The following PLEKHA7 variants were observed in gnomAD, a reference collection of about 807,000 sequenced individuals.
PLEKHA7 encodes pleckstrin homology domain-containing family A member 7.
A neutral mutation model predicts 170.0 loss-of-function variants in PLEKHA7; 104 were observed. The observed-to-expected ratio is 0.61, with a 90% CI of 0.52 to 0.72. The LOEUF is 0.72. PLEKHA7 is among the 30% of genes least tolerant of loss of function. The pLI is 0.00. For synonymous variants in PLEKHA7, 648 were observed against 660.8 expected (o/e 0.98, Z 0.30); for missense variants, 1,615 against 1,671.7 (o/e 0.97, Z 0.59).
At chr11:16,806,015 T>C (rs1564934791) in intron 13 of PLEKHA7, among the ~76,000 whole-genome samples, 1 of 152,232 alleles carries the variant, frequency 6.6e-6, no homozygotes, top group African/African-American at 2.4e-5. Context: ...TTTGCTCATT[T>C]GTCTCTCCTC....
intron 3 of PLEKHA7, among the ~76,000 whole-genome samples, chr11:16,948,592 C>T (rs1295215497): frequency 6.6e-6 from 1 of 151,978 alleles, no homozygotes; most frequent in Non-Finnish European, 1.5e-5. Flanking sequence ...TACATGCACA[C>T]ATATATACTC....
intron 3 of PLEKHA7, among the ~76,000 whole-genome samples, chr11:16,903,430 G>A (rs939576576): frequency 9.2e-5 from 14 of 152,210 alleles, no homozygotes; most frequent in Admixed American, 7.8e-4. Context: ...AGGGAAGGCT[G>A]AGATCAGTTC....
Position 16,817,351 on chromosome 11 carries a change from G to A in PLEKHA7, c.1344-29C>T. On this transcript the variant is annotated intron_variant, in intron 10 of 26. Transcript: ENST00000531066. The surrounding 1 kb of genome is among the most constrained non-coding windows in gnomAD (Gnocchi z 4.4). ...AGGAGAAAGGGTAAGAACGGGTCAGGCAACCAAGCGAGGGTTCTGCAGGCT... is the reference window on the plus strand; with the variant it reads ...AGGAGAAAGGGTAAGAACGGGTCAGACAACCAAGCGAGGGTTCTGCAGGCT... The A allele has an allele frequency of 6.4e-7, 1 of 1,569,438 alleles. No individual in the cohort carries two copies. The highest frequency in any genetic ancestry group is 8.6e-7 in the Non-Finnish European group (1 of 1,161,260).
intron 9 of PLEKHA7, among the ~76,000 whole-genome samples, chr11:16,838,511 T>C (rs1205171638): frequency 7.6e-6 from 1 of 131,116 alleles, no homozygotes; most frequent in Non-Finnish European, 1.6e-5. Flanking sequence ...AGACTCTGTG[T>C]CTTAAAAAAA....
At chr11:16,997,627 A>T (rs928029946) in intron 3 of PLEKHA7, among the ~76,000 whole-genome samples, 1 of 152,214 alleles carries the variant, frequency 6.6e-6, no homozygotes, top group Non-Finnish European at 1.5e-5. Context: ...TCTGAGCTCC[A>T]GGTCTCTGAG....
At chr11:17,002,921 A>G (rs187207823) in intron 3 of PLEKHA7, among the ~76,000 whole-genome samples, 22 of 150,052 alleles carry the variant, frequency 1.5e-4, no homozygotes, top group African/African-American at 5.1e-4. Context: ...TTAACTACTT[A>G]AGAGCAAATA....
chr11:16,853,370 CT>C (rs1259254476), intron 6 of PLEKHA7, among the ~76,000 whole-genome samples: 3 of 152,206 alleles, frequency 2.0e-5, no homozygotes, highest in Non-Finnish European at 4.4e-5. Context: ...AACTATTTAT[CT>C]GTTTCATCTT....
chr11:16,780,440 C>T (rs1012495310), intron 26 of PLEKHA7, among the ~76,000 whole-genome samples: 9 of 152,260 alleles, frequency 5.9e-5, no homozygotes, highest in African/African-American at 1.7e-4. Context: ...CCAGTCTCTG[C>T]GCTGACACCA....
intron 3 of PLEKHA7, among the ~76,000 whole-genome samples, chr11:16,930,500 T>A (rs1859851954): frequency 1.3e-5 from 2 of 152,282 alleles, no homozygotes; most frequent in South Asian, 4.1e-4. Context: ...CAGGACAGGA[T>A]CTAAAGATAA....
At chr11:16,788,904 T>C (rs1849588116) in intron 23 of PLEKHA7, 192 bp downstream of exon 23, 2 of 686,714 alleles carry the variant, frequency 2.9e-6, no homozygotes, top group Non-Finnish European at 2.4e-6. Flanking sequence ...CCAGCTCTGG[T>C]TCAGGTCACC....
intron 4 of PLEKHA7, among the ~76,000 whole-genome samples, chr11:16,865,043 G>A (rs1171877539): frequency 2.0e-5 from 3 of 151,974 alleles, no homozygotes; most frequent in Admixed American, 1.3e-4. Flanking sequence ...CACAGGATAG[G>A]GCTTCTAGAA....
rs780638996 is a variant in PLEKHA7, at chr11:16,782,809, G to A, written c.3738C>T (p.Ile1246=). Residue 1246 remains isoleucine (I), a synonymous_variant, in exon 26 of 27, where the codon ATC becomes ATT. Coordinates refer to ENST00000531066, the MANE Select transcript of PLEKHA7 (RefSeq NM_001329630.2). ...CGGAGGCCAGGGCGTAGGAGATGTT[G>A]ATGATGCGCTCCTGCTCCTGCAGCT... ...DLQLQEQERI[I]NISYALASEA... The A allele has an allele frequency of 6.5e-7, 1 of 1,536,074 alleles. No homozygotes were observed. The highest frequency in any genetic ancestry group is 8.7e-7 in the Non-Finnish European group (1 of 1,146,922).
chr11:16,971,788 G>A (rs539282743), intron 3 of PLEKHA7, among the ~76,000 whole-genome samples: 89 of 151,196 alleles, frequency 5.9e-4, no homozygotes, highest in African/African-American at 2.1e-3. Flanking sequence ...GGATATTTTC[G>A]CAGATGTCAT....
chr11:16,945,386 T>C (rs1400031650), intron 3 of PLEKHA7, among the ~76,000 whole-genome samples: 2 of 152,260 alleles, frequency 1.3e-5, no homozygotes, highest in Non-Finnish European at 2.9e-5. Context: ...TTTACTGTGT[T>C]GGCCTACCCT....
At chr11:16,872,096 G>A (rs933937511) in intron 3 of PLEKHA7, among the ~76,000 whole-genome samples, 4 of 151,076 alleles carry the variant, frequency 2.6e-5, no homozygotes, top group Non-Finnish European at 4.4e-5. Context: ...AGCCTCCCAA[G>A]TAGCTGGAAT....
At chr11:16,886,005 A>AG (rs1565069792) in intron 3 of PLEKHA7, among the ~76,000 whole-genome samples, 1 of 151,800 alleles carries the variant, frequency 6.6e-6, no homozygotes, top group South Asian at 2.1e-4. Context: ...TCGGAAAAAA[A>AG]AAAAAAAGAA....
At chr11:17,008,557 T>C (rs967444395) in intron 3 of PLEKHA7, among the ~76,000 whole-genome samples, 3 of 152,208 alleles carry the variant, frequency 2.0e-5, no homozygotes, top group Admixed American at 1.3e-4. Context: ...TCCTTCCCAG[T>C]AAGGAGTTTT....
chr11:16,906,556 C>T lies in PLEKHA7; in HGVS notation c.222-35374G>A, dbSNP rs1166774046. Among the ~76,000 whole-genome samples, 5 of 138,684 alleles carry T rather than the reference C, an allele frequency of 3.6e-5. 1 individual carries two copies. The highest frequency in any genetic ancestry group is 1.3e-4 in the African/African-American group (4 of 31,222). 91.0% of individuals were successfully genotyped at this position (138,684 alleles called of 152,430 possible). ...CAGGCTGGTCTCCAGCTCCTAACCG[C>T]GAGTGATCTGCCAGCCTCGGCCTCC... On this transcript the variant is annotated intron_variant, in intron 3 of 26. Transcript: ENST00000531066.
At chr11:16,888,914 A>AAAAG (rs71455897) in intron 3 of PLEKHA7, among the ~76,000 whole-genome samples, 146 of 140,852 alleles carry the variant, frequency 1.0e-3, no homozygotes, top group Non-Finnish European at 1.3e-3. Flanking sequence ...ATAAAAAAAA[A>AAAAG]AAAGAAACCC....
Sources: gnomAD v4.1 joint callset for allele counts (sites outside exome capture counted in the v4.1 genomes callset) on GRCh38, gnomAD v4.1.1 for gene constraint, Gnocchi (gnomAD v3.1) non-coding constraint, MANE v1.5 for transcripts, NCBI Gene and HGNC (gene_info 2026-07-23, HGNC 2026-07-21) for gene names.